PAG1: variants seen among roughly 807,000 people sequenced by gnomAD.
The protein encoded by PAG1 is phosphoprotein membrane anchor with glycosphingolipid microdomains 1.
A neutral mutation model predicts 31.7 loss-of-function variants in PAG1; 23 were observed. The ratio of observed to expected loss-of-function variants is 0.73; its 90% CI spans 0.52 to 1.03. The LOEUF (loss-of-function observed/expected upper bound fraction) is 1.03. Among genes scored for constraint, PAG1 ranks in the 50% least tolerant of loss-of-function variants. The pLI is 0.00. For missense variants in PAG1, 473 were observed against 540.7 expected (o/e 0.87, Z 1.24); for synonymous variants, 214 against 210.3 (o/e 1.02, Z -0.15).
chr8:80,971,908 T>C lies in PAG1; in HGVS notation c.*4636A>G, dbSNP rs529277021. ...TAAATTTTAATTTGGTAATTCCAGA[T>C]AAAGATTCTAATTTATCATGGTTTC... On this transcript the variant is annotated 3_prime_UTR_variant, in exon 9 of 9. Coordinates refer to ENST00000220597, the MANE Select transcript of PAG1 (RefSeq NM_018440.4). 1 of 152,336 alleles carries C rather than the reference T, an allele frequency of 6.6e-6. No individual in the cohort carries two copies. The highest frequency in any genetic ancestry group is 6.5e-5 in the Admixed American group (1 of 15,306). 9.4% of individuals were successfully genotyped at this position (152,336 alleles called of 1,614,324 possible).
intron 2 of PAG1, among the ~76,000 whole-genome samples, chr8:81,041,589 T>G (rs7838398): frequency 0.036 from 5,421 of 152,298 alleles, 336 homozygotes; most frequent in African/African-American, 0.12. Context: ...TGCAGTGTTA[T>G]GTCTGGAAAC....
intron 3 of PAG1, among the ~76,000 whole-genome samples, chr8:81,004,367 A>G (rs950749758): frequency 2.0e-5 from 3 of 152,194 alleles, no homozygotes; most frequent in African/African-American, 7.2e-5. Flanking sequence ...GGCAGTCTGC[A>G]ACTCGGGTTG....
At chr8:81,094,182 C>G (rs531347031) in intron 1 of PAG1, among the ~76,000 whole-genome samples, 4 of 152,226 alleles carry the variant, frequency 2.6e-5, no homozygotes, top group African/African-American at 7.2e-5. Context: ...GGAGGGACAT[C>G]GTCCTAAAAG....
intron 7 of PAG1, among the ~76,000 whole-genome samples, chr8:80,982,230 C>T (rs1302407388): frequency 2.0e-5 from 3 of 152,058 alleles, no homozygotes; most frequent in Non-Finnish European, 4.4e-5. Context: ...AACAATTTTT[C>T]TCTTCCTATT....
rs374773600 is a variant in PAG1 at position 81,095,991 on chromosome 8, A to G, written c.-234+15600T>C. On this transcript the variant is annotated intron_variant, in intron 1 of 8. Transcript: ENST00000220597. Reference sequence around the variant, plus strand: ...GGCATTTAAATAATTCTTATGAAGAAGTTTGTTAAGTGAAGCGTTTTGTCT... The same window carrying G: ...GGCATTTAAATAATTCTTATGAAGAGGTTTGTTAAGTGAAGCGTTTTGTCT... Among the ~76,000 whole-genome samples the G allele has an allele frequency of 4.9e-4, 74 of 152,374 alleles. 1 individual carries two copies. The highest frequency in any genetic ancestry group is 1.7e-3 in the African/African-American group (71 of 41,592).
intron 1 of PAG1, among the ~76,000 whole-genome samples, chr8:81,103,896 T>C (rs1446419650): frequency 6.6e-6 from 1 of 152,234 alleles, no homozygotes; most frequent in East Asian, 1.9e-4. Context: ...GATTCTTTCA[T>C]TCTTTCCATT....
At chr8:81,053,883 T>C (rs2130888678) in intron 2 of PAG1, among the ~76,000 whole-genome samples, 1 of 152,314 alleles carries the variant, frequency 6.6e-6, no homozygotes, top group East Asian at 1.9e-4. Flanking sequence ...GATCAGGGTA[T>C]GCGAATGCTT....
At chr8:81,025,170 C>G (rs1395365113) in intron 3 of PAG1, among the ~76,000 whole-genome samples, 1 of 150,814 alleles carries the variant, frequency 6.6e-6, no homozygotes, top group African/African-American at 2.4e-5. Flanking sequence ...TTTTTTACCT[C>G]TCCTTAAGAC....
At chr8:81,017,341 A>G (rs1449769013) in intron 3 of PAG1, among the ~76,000 whole-genome samples, 2 of 152,356 alleles carry the variant, frequency 1.3e-5, no homozygotes, top group African/African-American at 4.8e-5. Context: ...GAATAATTCT[A>G]TCTTTCCTGG....
In PAG1 at chr8:80,993,115, G is replaced by C. The variant is rs535542586; in HGVS notation, c.113C>G (p.Ser38Cys). The change falls in exon 4 of 9, where the codon TCT (serine) becomes TGT (cysteine). Residue 38 changes from serine to cysteine, a missense_variant. Transcript: ENST00000220597. Reference protein sequence around the residue: ...FVITFLIFLCSSCDREKKPRQ... With the variant: ...FVITFLIFLCCSCDREKKPRQ... ...CTCTGGTTCTCACCTGTCACAACTA[G>C]AGCACAGGAAGATGAGGAAGGTGAT... is the stretch of plus-strand genomic sequence containing the variant. 1 of 1,613,586 alleles carries C rather than the reference G, an allele frequency of 6.2e-7. No individual in the cohort carries two copies. Among genetic ancestry groups the C allele is most frequent in the Admixed American group, 1.7e-5 (1 of 60,002 alleles).
intron 3 of PAG1, among the ~76,000 whole-genome samples, chr8:81,023,584 A>T (rs139854881): frequency 1.2e-3 from 187 of 152,032 alleles, no homozygotes; most frequent in African/African-American, 3.8e-3. Context: ...GCTTATCAGG[A>T]ACAATGTAAG....
chr8:81,063,251 T>C (rs74845841), intron 2 of PAG1, among the ~76,000 whole-genome samples: 2 of 152,304 alleles, frequency 1.3e-5, no homozygotes, highest in Admixed American at 6.5e-5. Context: ...TAGGGCAATA[T>C]TGGTACTAAG....
chr8:81,082,609 C>T (rs1809287679), intron 1 of PAG1, among the ~76,000 whole-genome samples: 1 of 152,136 alleles, frequency 6.6e-6, no homozygotes, highest in South Asian at 2.1e-4. Flanking sequence ...TATTTTCTCT[C>T]TAGTGTTGAG....
chr8:80,987,277 C>T (rs564192735), intron 6 of PAG1, 93 bp downstream of exon 6: 2 of 810,130 alleles, frequency 2.5e-6, no homozygotes, highest in East Asian at 2.5e-5. Context: ...AGCAATAACA[C>T]ATTTCCTACT....
At chr8:81,060,241 T>C (rs952584479) in intron 2 of PAG1, among the ~76,000 whole-genome samples, 2 of 152,192 alleles carry the variant, frequency 1.3e-5, no homozygotes, top group African/African-American at 4.8e-5. Flanking sequence ...CTAGCTTTTT[T>C]ATAAAACTCA....
chr8:81,059,045 C>A (rs1327639189), intron 2 of PAG1, among the ~76,000 whole-genome samples: 3 of 151,900 alleles, frequency 2.0e-5, no homozygotes, highest in African/African-American at 7.3e-5. Flanking sequence ...TCCAGAACCC[C>A]CCTCAGATAC....
Position 81,010,207 on chromosome 8 carries a change from G to A in PAG1, c.-80-16900C>T, listed in dbSNP as rs185363215. Reference sequence around the variant, plus strand: ...TCTTCCCACATAACGAGTCTATGCTGCAATTCACATAAACCAAAGTTTCTC... The same window carrying A: ...TCTTCCCACATAACGAGTCTATGCTACAATTCACATAAACCAAAGTTTCTC... On this transcript the variant is annotated intron_variant, in intron 3 of 8. Coordinates refer to ENST00000220597, the MANE Select transcript of PAG1 (RefSeq NM_018440.4). Among the ~76,000 whole-genome samples, 5 of 152,254 alleles carry A rather than the reference G, an allele frequency of 3.3e-5. No homozygotes were observed. The East Asian group carries it at 9.6e-4, about 29-fold the overall frequency.
intron 2 of PAG1, among the ~76,000 whole-genome samples, chr8:81,055,504 G>A (rs2130897483): frequency 6.6e-6 from 1 of 152,078 alleles, no homozygotes; most frequent in South Asian, 2.1e-4. Flanking sequence ...AAAGTCACTG[G>A]TAGCTTGATG....
At chr8:81,065,618 A>G (rs1808991340) in intron 2 of PAG1, among the ~76,000 whole-genome samples, 1 of 152,186 alleles carries the variant, frequency 6.6e-6, no homozygotes, top group Non-Finnish European at 1.5e-5. Flanking sequence ...CTGGATATTT[A>G]AAATTCCAAA....
Sources: gnomAD v4.1 joint callset for allele counts (sites outside exome capture counted in the v4.1 genomes callset) on GRCh38, gnomAD v4.1.1 for gene constraint, MANE v1.5 for transcripts, NCBI Gene and HGNC (gene_info 2026-07-23, HGNC 2026-07-21) for gene names.